TEAD1: variants seen among roughly 807,000 people sequenced by gnomAD.
TEAD1 encodes the protein transcriptional enhancer factor TEF-1.
Under a neutral mutation model 54.9 loss-of-function variants are expected in TEAD1, and 9 were observed. The observed-to-expected ratio is 0.16, with a 90% CI of 0.10 to 0.29. The LOEUF (loss-of-function observed/expected upper bound fraction) is 0.29, where lower values mean the gene tolerates loss of function less well. Ranked by LOEUF, TEAD1 falls within the 10% of genes least tolerant of loss-of-function variation. The pLI is 1.00. For missense variants in TEAD1, 387 were observed against 535.9 expected (o/e 0.72, Z 2.74); for synonymous variants, 200 against 187.8 (o/e 1.07, Z -0.53).
At chr11:12,917,417 A>G (rs1470876802) in intron 10 of TEAD1, among the ~76,000 whole-genome samples, 5 of 152,242 alleles carry the variant, frequency 3.3e-5, no homozygotes, top group Non-Finnish European at 7.3e-5. Flanking sequence ...AGGAATATAA[A>G]ATAATTAGTT....
At chr11:12,761,430 A>C (rs2133921948) in intron 2 of TEAD1, among the ~76,000 whole-genome samples, 1 of 152,338 alleles carries the variant, frequency 6.6e-6, no homozygotes, top group East Asian at 1.9e-4. Context: ...ATGATTCAGA[A>C]GAATCTTCCC....
chr11:12,872,736 A>C (rs1023665227), intron 5 of TEAD1, among the ~76,000 whole-genome samples: 5 of 152,338 alleles, frequency 3.3e-5, no homozygotes, highest in East Asian at 3.9e-4. Flanking sequence ...TTGGCCTCCA[A>C]CTTAGATAAT....
At chr11:12,731,347 G>A (rs1016746622) in intron 2 of TEAD1, among the ~76,000 whole-genome samples, 8 of 152,142 alleles carry the variant, frequency 5.3e-5, no homozygotes, top group East Asian at 1.9e-4. Context: ...AGAACTATCC[G>A]TAATTTCACC....
intron 2 of TEAD1, among the ~76,000 whole-genome samples, chr11:12,706,981 A>T (rs1943829722): frequency 6.6e-6 from 1 of 152,100 alleles, no homozygotes; most frequent in African/African-American, 2.4e-5. Flanking sequence ...TCTTTTCACC[A>T]TGCTGTTTTA....
chr11:12,847,930 A>G (rs1351258853), intron 3 of TEAD1, among the ~76,000 whole-genome samples: 1 of 152,154 alleles, frequency 6.6e-6, no homozygotes, highest in South Asian at 2.1e-4. Flanking sequence ...TGGGAACCCT[A>G]TATCATAGGC....
At chr11:12,682,015 A>C (rs1850638139) in intron 2 of TEAD1, among the ~76,000 whole-genome samples, 1 of 152,190 alleles carries the variant, frequency 6.6e-6, no homozygotes, top group African/African-American at 2.4e-5. Context: ...CCACCTGTGT[A>C]GGCTTAGGTG....
chr11:12,834,552 A>G (rs1399785608), intron 3 of TEAD1, among the ~76,000 whole-genome samples: 2 of 152,194 alleles, frequency 1.3e-5, no homozygotes, highest in African/African-American at 2.4e-5. Flanking sequence ...GTGTTGCACA[A>G]CGCCTGGTGG....
rs1564938284 is a variant in TEAD1, at chr11:12,783,191, C to CTTTTT, written c.202+18757_202+18758insTTTTT. On this transcript the variant is annotated intron_variant, in intron 3 of 12. Transcript: ENST00000527636. ...AAAGGCCAGAGTTTTAGTTTTTGTG[C>CTTTTT]CTTTTTTTTTTTTTTTTTTTTAAGG... Among the ~76,000 whole-genome samples the CTTTTT allele has an allele frequency of 1.6e-3, 185 of 114,126 alleles. 5 individuals are homozygous for CTTTTT. The highest frequency in any genetic ancestry group is 6.0e-3 in the African/African-American group (162 of 26,868). 74.9% of individuals were successfully genotyped at this position (114,126 alleles called of 152,430 possible). A position where few individuals can be genotyped will look rare whatever the true frequency, so the allele number is the denominator to read the frequency against.
chr11:12,810,828 T>G (rs1391339856), intron 3 of TEAD1, among the ~76,000 whole-genome samples: 1 of 152,190 alleles, frequency 6.6e-6, no homozygotes, highest in Non-Finnish European at 1.5e-5. Flanking sequence ...CTGCTAACTC[T>G]CCTTCCTTTA....
In TEAD1 at chr11:12,764,163, TG is replaced by T; in HGVS notation, c.-54-14del. ...GGTTACCACATCCTTATACTGTTTT[TG>T]GTTTTCTCTTCTAGGTTTATTTTCT... On this transcript the variant is annotated splice_polypyrimidine_tract_variant and intron_variant, in intron 2 of 12. Transcript: ENST00000527636. The T allele has an allele frequency of 6.6e-7, 1 of 1,525,522 alleles. No individual in the cohort carries two copies. Among genetic ancestry groups the T allele is most frequent in the Non-Finnish European group, 8.9e-7 (1 of 1,128,180 alleles). 94.5% of individuals were successfully genotyped at this position (1,525,522 alleles called of 1,614,324 possible).
At chr11:12,713,477 G>C (rs1943985832) in intron 2 of TEAD1, among the ~76,000 whole-genome samples, 1 of 152,206 alleles carries the variant, frequency 6.6e-6, no homozygotes, top group Admixed American at 6.5e-5. Flanking sequence ...CATTGTATTA[G>C]TTTGTTGGCT....
chr11:12,879,640 G>T, intron 5 of TEAD1, 68 bp from the exon 6 acceptor site: 4 of 1,604,246 alleles, frequency 2.5e-6, no homozygotes, highest in Non-Finnish European at 2.6e-6. Flanking sequence ...GCTCGTGGCT[G>T]TGCCTGTGTA....
intron 5 of TEAD1, among the ~76,000 whole-genome samples, chr11:12,870,852 C>T (rs1306808470): frequency 2.0e-5 from 3 of 152,078 alleles, no homozygotes; most frequent in Admixed American, 1.3e-4. Context: ...TACTGCTGTA[C>T]CCCAGCCTGG....
intron 2 of TEAD1, among the ~76,000 whole-genome samples, chr11:12,750,765 A>G (rs1229097775): frequency 1.3e-5 from 2 of 152,028 alleles, no homozygotes; most frequent in African/African-American, 2.4e-5. Flanking sequence ...TCCTCCACTA[A>G]TACTTGGCCT....
At chr11:12,693,178 T>A (rs1943499438) in intron 2 of TEAD1, among the ~76,000 whole-genome samples, 1 of 152,234 alleles carries the variant, frequency 6.6e-6, no homozygotes, top group African/African-American at 2.4e-5. Flanking sequence ...CTTAGTACTT[T>A]TAAAGAACTT....
chr11:12,716,892 T>C (rs1357316412), intron 2 of TEAD1, among the ~76,000 whole-genome samples: 1 of 152,226 alleles, frequency 6.6e-6, no homozygotes, highest in African/African-American at 2.4e-5. Context: ...GAAGCCTGGC[T>C]CTGCGTTCCC....
At chr11:12,884,515 G>A (rs1948046480) in intron 9 of TEAD1, among the ~76,000 whole-genome samples, 1 of 152,198 alleles carries the variant, frequency 6.6e-6, no homozygotes, top group Non-Finnish European at 1.5e-5. Flanking sequence ...TCTCACGGGA[G>A]TGTTTGCACT....
intron 3 of TEAD1, among the ~76,000 whole-genome samples, chr11:12,778,470 CT>C (rs1255236638): frequency 6.6e-6 from 1 of 151,994 alleles, no homozygotes; most frequent in African/African-American, 2.4e-5. Context: ...TAATTTTTCC[CT>C]CTCTTATGTT....
chr11:12,848,848 A>C (rs1348883859), intron 3 of TEAD1: 1 of 151,858 alleles, frequency 6.6e-6, no homozygotes, highest in East Asian at 1.9e-4. Context: ...TACTCAGGAG[A>C]CTGAGGTGGG....
Sources: allele counts gnomAD v4.1 joint callset (sites outside exome capture counted in the v4.1 genomes callset), GRCh38; gene constraint gnomAD v4.1.1; transcripts MANE v1.5; gene names NCBI Gene and HGNC (gene_info 2026-07-23, HGNC 2026-07-21).